The following ERBB4 variants were observed in gnomAD, a reference collection of about 807,000 sequenced individuals.
ERBB4 encodes the protein erb-b2 receptor tyrosine kinase 4, also known as receptor tyrosine-protein kinase erbB-4.
ERBB4 carries 42 observed loss-of-function variants against 158.0 expected under a neutral mutation model. The ratio of observed to expected loss-of-function variants is 0.27; its 90% confidence interval spans 0.21 to 0.34. The LOEUF (loss-of-function observed/expected upper bound fraction) is 0.34. Among genes scored for constraint, ERBB4 ranks in the 10% least tolerant of loss-of-function variants. The pLI, the probability that ERBB4 is intolerant of heterozygous loss-of-function variation, is 1.00. For missense variants in ERBB4, 1,333 were observed against 1,624.1 expected, an observed-to-expected ratio of 0.82 and a Z score of 3.08; for synonymous variants, 583 against 558.7, an observed-to-expected ratio of 1.04 and a Z score of -0.61.
intron 1 of ERBB4, chr2:212,426,216 T>C (rs769562625): frequency 4.1e-6 from 2 of 488,760 alleles, no homozygotes; most frequent in Non-Finnish European, 8.2e-6. Context: ...AGAATAAGTT[T>C]TGAATTGATT....
At chr2:212,205,096 G>T (rs1044402247) in intron 1 of ERBB4, among the ~76,000 whole-genome samples, 2 of 152,032 alleles carry the variant, frequency 1.3e-5, no homozygotes, top group African/African-American at 4.8e-5. Context: ...AGAATTACAG[G>T]CATGAGCCAC....
In ERBB4 at chr2:212,503,017, C is replaced by A. The variant is rs538992471; in HGVS notation, c.82+35432G>T. Among the ~76,000 whole-genome samples, 181 of 152,334 alleles carry A rather than the reference C, an allele frequency of 1.2e-3. 1 individual carries two copies. The highest frequency in any genetic ancestry group is 4.3e-3 in the African/African-American group (179 of 41,574). ...GGCTCATGTGATCCACCCACCTCAACCTCCCAAAATGCTGGGATTACAAAG... is the reference window on the plus strand; with the variant it reads ...GGCTCATGTGATCCACCCACCTCAAACTCCCAAAATGCTGGGATTACAAAG... On this transcript the variant is annotated intron_variant, in intron 1 of 27. Transcript: ENST00000342788.
In ERBB4 at chr2:211,983,497, T is replaced by C. The variant is rs568910562; in HGVS notation, c.235-35881A>G. On this transcript the variant is annotated intron_variant, in intron 2 of 27. Coordinates refer to ENST00000342788, the MANE Select transcript of ERBB4 (RefSeq NM_005235.3). Reference sequence around the variant, plus strand: ...TATCCCAGTGACATTTGTTTAATGCTAGATCATTTTGTCATGCATTTGTAA... The same window carrying C: ...TATCCCAGTGACATTTGTTTAATGCCAGATCATTTTGTCATGCATTTGTAA... 1.1e-4 allele frequency among the ~76,000 whole-genome samples: 16 copies of C among 152,322 alleles called. No individual in the cohort carries two copies. In the South Asian group the frequency reaches 3.3e-3, roughly 32 times the overall value.
In ERBB4 at chr2:212,084,183, T is replaced by C. The variant is rs558229106; in HGVS notation, c.234+40569A>G. 1.7e-3 allele frequency among the ~76,000 whole-genome samples: 259 copies of C among 152,108 alleles called. 2 individuals are homozygous for C. The highest frequency in any genetic ancestry group is 4.5e-3 in the Admixed American group (69 of 15,240). On this transcript the variant is annotated intron_variant, in intron 2 of 27. Transcript: ENST00000342788. ...GATAAATAGGAAGACAAATGACTTC[T>C]ATGAGAAGATTATTAATTTACTCCA...
At chr2:211,977,200 T>C (rs1238458301) in intron 2 of ERBB4, among the ~76,000 whole-genome samples, 1 of 152,096 alleles carries the variant, frequency 6.6e-6, no homozygotes, top group African/African-American at 2.4e-5. Flanking sequence ...CTGAGGTGGA[T>C]AGAGAAATTG....
At chr2:211,690,231 T>C (rs2072751014) in intron 12 of ERBB4, among the ~76,000 whole-genome samples, 1 of 152,014 alleles carries the variant, frequency 6.6e-6, no homozygotes, top group South Asian at 2.1e-4. Flanking sequence ...TTTATGATAT[T>C]CCATAAACTT....
intron 1 of ERBB4, among the ~76,000 whole-genome samples, chr2:212,309,014 C>A (rs1403301086): frequency 6.6e-6 from 1 of 150,774 alleles, no homozygotes; most frequent in East Asian, 1.9e-4. Context: ...AAAATTGCTA[C>A]AGTAAGTTAA....
At chr2:211,985,453 GAAC>G (rs1210440062) in intron 2 of ERBB4, among the ~76,000 whole-genome samples, 1 of 152,048 alleles carries the variant, frequency 6.6e-6, no homozygotes, top group Non-Finnish European at 1.5e-5. Flanking sequence ...TTGCTTTCTA[GAAC>G]AACTCCAGCA....
intron 1 of ERBB4, among the ~76,000 whole-genome samples, chr2:212,530,420 T>C (rs916350878): frequency 6.6e-6 from 1 of 152,210 alleles, no homozygotes; most frequent in African/African-American, 2.4e-5. Flanking sequence ...TATTCTCACA[T>C]TCTTTAAGCC....
intron 25 of ERBB4, among the ~76,000 whole-genome samples, chr2:211,396,940 G>A (rs2062932958): frequency 6.6e-6 from 1 of 152,178 alleles, no homozygotes; most frequent in African/African-American, 2.4e-5. Flanking sequence ...CCTGGAATTA[G>A]GACAGCTGGT....
chr2:212,343,113 C>T (rs1191232822), intron 1 of ERBB4, among the ~76,000 whole-genome samples: 1 of 152,146 alleles, frequency 6.6e-6, no homozygotes, highest in Non-Finnish European at 1.5e-5. Flanking sequence ...TCAGCCTGGT[C>T]ATCAATGAAC....
rs1270097112 is a variant in ERBB4 at position 211,939,820 on chromosome 2, G to A, written c.421+7610C>T. Among the ~76,000 whole-genome samples the A allele has an allele frequency of 2.6e-5, 4 of 151,806 alleles. No individual in the cohort carries two copies. The South Asian group carries it at 6.2e-4, about 24-fold the overall frequency. The stretch of plus-strand genomic sequence containing the variant: ...AAATTAACTGGACATGGTGGGGGGC[G>A]CCTGTAGTCCCAGCTACTTGGGAGG... On this transcript the variant is annotated intron_variant, in intron 3 of 27. Coordinates refer to ENST00000342788, the MANE Select transcript of ERBB4 (RefSeq NM_005235.3).
At position 211,560,262 on chromosome 2, in the gene ERBB4, C is replaced by CTTTTTTT. The variant is rs769707072; in HGVS notation, c.2487+1634_2487+1640dup. On this transcript the variant is annotated intron_variant, in intron 20 of 27. Transcript: ENST00000342788. ...CAGCACTAACAAATTTGAAGCTTAGCTTTTTTTTTTTTTTTTTTTTTTTTT... is the reference window on the plus strand; with the variant it reads ...CAGCACTAACAAATTTGAAGCTTAGCTTTTTTTTTTTTTTTTTTTTTTTTTTTTTTTT... Among the ~76,000 whole-genome samples the CTTTTTTT allele has an allele frequency of 8.0e-4, 37 of 46,312 alleles. 6 individuals are homozygous for CTTTTTTT. Among genetic ancestry groups the CTTTTTTT allele is most frequent in the African/African-American group, 1.6e-3 (17 of 10,454 alleles). 30.4% of individuals were successfully genotyped at this position (46,312 alleles called of 152,430 possible).
intron 3 of ERBB4, among the ~76,000 whole-genome samples, chr2:211,849,232 C>T (rs964977545): frequency 1.3e-5 from 2 of 151,788 alleles, no homozygotes; most frequent in Non-Finnish European, 2.9e-5. Context: ...TATTTATCAC[C>T]CAATCTGAGA....
chr2:212,191,567 CACATGTGTTATGCCTGT>C (rs2082204020), intron 1 of ERBB4, among the ~76,000 whole-genome samples: 1 of 20,504 alleles, frequency 4.9e-5, no homozygotes, highest in Admixed American at 3.7e-4. Flanking sequence ...TTATATATAA[CACATGTGTTATGCCTGT>C]TATATATAAC....
intron 3 of ERBB4, among the ~76,000 whole-genome samples, chr2:211,919,485 CCAATGAAAGAAT>C (rs1469758319): frequency 1.3e-5 from 2 of 151,824 alleles, no homozygotes; most frequent in Non-Finnish European, 2.9e-5. Context: ...AAAATTAAAT[CCAATGAAAGAAT>C]GAATGGAAGA....
intron 19 of ERBB4, among the ~76,000 whole-genome samples, chr2:211,563,875 G>A (rs1418665004): frequency 6.6e-6 from 1 of 152,088 alleles, no homozygotes; most frequent in Non-Finnish European, 1.5e-5. Flanking sequence ...TATGTATATG[G>A]CAATGGATTA....
intron 19 of ERBB4, among the ~76,000 whole-genome samples, chr2:211,587,354 C>T (rs1161625568): frequency 6.6e-6 from 1 of 152,044 alleles, no homozygotes; most frequent in Non-Finnish European, 1.5e-5. Flanking sequence ...GACTGTGTCT[C>T]AATAAATAAA....
intron 1 of ERBB4, among the ~76,000 whole-genome samples, chr2:212,366,125 A>AT (rs994070713): frequency 6.6e-6 from 1 of 151,948 alleles, no homozygotes; most frequent in Non-Finnish European, 1.5e-5. Flanking sequence ...TATAAATTTG[A>AT]TTGGCAAAAT....
Sources: gnomAD v4.1 joint callset for allele counts (sites outside exome capture counted in the v4.1 genomes callset) on GRCh38, gnomAD v4.1.1 for gene constraint, MANE v1.5 for transcripts, NCBI Gene and HGNC (gene_info 2026-07-23, HGNC 2026-07-21) for gene names.